SPDL1: variants seen among roughly 807,000 people sequenced by gnomAD.
SPDL1 encodes the protein protein Spindly.
Under a neutral mutation model 79.5 loss-of-function variants are expected in SPDL1, and 85 were observed. The ratio of observed to expected loss-of-function variants is 1.07; its 90% CI spans 0.90 to 1.28. The LOEUF (loss-of-function observed/expected upper bound fraction) is 1.28, where lower values mean the gene tolerates loss of function less well. Among genes scored for constraint, SPDL1 ranks in the 50% most tolerant of loss-of-function variants. SPDL1 has a pLI of 0.00. For missense variants in SPDL1, 703 were observed against 697.8 expected (o/e 1.01, Z -0.08); for synonymous variants, 269 against 240.3 (o/e 1.12, Z -1.10).
At chr5:169,593,693 G>T in intron 4 of SPDL1, 145 bp downstream of exon 4, 5 of 696,372 alleles carry the variant, frequency 7.2e-6, no homozygotes, top group Non-Finnish European at 1.1e-5. Context: ...TAAAAAATGG[G>T]TTTTTTTTAG....
chr5:169,599,011 G>A lies in SPDL1; in HGVS notation c.1176G>A (p.Gln392=), dbSNP rs760649372. Reference sequence around the variant, plus strand: ...GCACTAAAGGTGAATTGTCCATACAGCGAATGAAAGCATTATTTGAGAGCC... The same window carrying A: ...GCACTAAAGGTGAATTGTCCATACAACGAATGAAAGCATTATTTGAGAGCC... The part of the protein sequence containing the change: ...IESTKGELSI[Q]RMKALFESQR... Residue 392 remains glutamine, a synonymous_variant, in exon 10 of 12, where the codon CAG becomes CAA. Transcript: ENST00000265295. The A allele has an allele frequency of 3.8e-6, 6 of 1,573,964 alleles. No homozygotes were observed. In the African/African-American group the frequency reaches 5.5e-5, roughly 14 times the overall value.
chr5:169,594,356 T>C, intron 5 of SPDL1, 38 bp from the exon 6 acceptor site: 1 of 1,612,106 alleles, frequency 6.2e-7, no homozygotes, highest in South Asian at 1.1e-5. Context: ...CTTGCTAATG[T>C]AATCTCTGTT....
At chr5:169,589,887 G>A (rs570915141) in intron 2 of SPDL1, among the ~76,000 whole-genome samples, 5 of 152,134 alleles carry the variant, frequency 3.3e-5, no homozygotes, top group African/African-American at 1.2e-4. Flanking sequence ...GTTTTTAGTA[G>A]AGATGGGGTT....
intron 1 of SPDL1, 65 bp downstream of exon 1, chr5:169,583,954 C>T (rs1176992065): frequency 6.6e-6 from 1 of 152,406 alleles, no homozygotes; most frequent in Admixed American, 6.5e-5. Context: ...TCGAACAGGC[C>T]CTAAAGAAAG....
In SPDL1 at chr5:169,588,518, A is replaced by T. The variant is rs756442628; in HGVS notation, c.102A>T (p.Gln34His). Residue 34 changes from glutamine (Q) to histidine (H), a missense_variant, in exon 2 of 12, where the codon CAA (glutamine) becomes CAT (histidine). Coordinates refer to ENST00000265295, the MANE Select transcript of SPDL1 (RefSeq NM_017785.5). Reference sequence around the variant, plus strand: ...ATGGTTTACAACTAGTAGAGAGTCAAAATGAATTACAGAATCAATTGGATA... The same window carrying T: ...ATGGTTTACAACTAGTAGAGAGTCATAATGAATTACAGAATCAATTGGATA... ...AQYGLQLVES[Q>H]NELQNQLDKC... 16 of 1,613,840 alleles carry T rather than the reference A, an allele frequency of 9.9e-6. No individual in the cohort carries two copies. In the Admixed American group the frequency reaches 2.7e-4, roughly 27 times the overall value.
In SPDL1 at chr5:169,588,571, C is replaced by T. The variant is rs768116350; in HGVS notation, c.155C>T (p.Thr52Ile). The change falls in exon 2 of 12, where the codon ACT (threonine) becomes ATT (isoleucine). Residue 52 changes from threonine to isoleucine, a missense_variant. Coordinates refer to ENST00000265295, the MANE Select transcript of SPDL1 (RefSeq NM_017785.5). ...DKCRNEMMTMTESYEQEKYTL... is the reference protein window; with the variant it reads ...DKCRNEMMTMIESYEQEKYTL... ...TGTCGTAATGAAATGATGACCATGA[C>T]TGAGGTAGGACTCTGGACTCCTCTG... is the stretch of plus-strand genomic sequence containing the variant. The T allele has an allele frequency of 3.1e-6, 5 of 1,611,484 alleles. No homozygotes were observed. The South Asian group carries it at 5.5e-5, about 18-fold the overall frequency.
rs760793399 is a variant in SPDL1 at position 169,601,304 on chromosome 5, A to G, written c.1349A>G (p.Lys450Arg). 1 of 1,611,472 alleles carries G rather than the reference A, an allele frequency of 6.2e-7. No homozygotes were observed. The highest frequency in any genetic ancestry group is 2.2e-5 in the East Asian group (1 of 44,838). Reference sequence around the variant, plus strand: ...GAGACAGTTGAAGTGCCTGTACTGAAAAAGAGGCGTGAGGTGCTCCCTGTG... The same window carrying G: ...GAGACAGTTGAAGTGCCTGTACTGAGAAAGAGGCGTGAGGTGCTCCCTGTG... ...PEETVEVPVL[K>R]KRREVLPVDI... is the part of the protein sequence containing the mutation. Residue 450 changes from lysine (K) to arginine (R), a missense_variant, in exon 11 of 12, where the codon AAA becomes AGA. Transcript: ENST00000265295.
At chr5:169,583,979 C>G (rs1294918155) in intron 1 of SPDL1, 90 bp downstream of exon 1, 2 of 152,424 alleles carry the variant, frequency 1.3e-5, no homozygotes, top group South Asian at 2.1e-4. Flanking sequence ...GGGCCGGGGT[C>G]TCGGCCGAGG....
chr5:169,603,994 G>T (rs921904310), intron 11 of SPDL1, 66 bp from the exon 12 acceptor site: 7 of 1,522,004 alleles, frequency 4.6e-6, no homozygotes, highest in Admixed American at 2.2e-5. Flanking sequence ...CATTATACTG[G>T]GGGTTTGTTT....
At chr5:169,595,467 A>T (rs73314541) in intron 7 of SPDL1, 8,158 of 152,288 alleles carry the variant, frequency 0.054, 258 homozygotes, top group Non-Finnish European at 0.058. Flanking sequence ...TTTGAAAGCA[A>T]CAGTACCTCA....
rs758172358 is a variant in SPDL1 at position 169,596,599 on chromosome 5, A to C, written c.930A>C (p.Gln310His). 1.9e-6 allele frequency: 3 copies of C among 1,611,886 alleles called. No individual in the cohort carries two copies. Among genetic ancestry groups the C allele is most frequent in the Non-Finnish European group, 1.7e-6 (2 of 1,179,242 alleles). Residue 310 changes from glutamine to histidine, a missense_variant, in exon 8 of 12, where the codon CAA becomes CAC. Coordinates refer to ENST00000265295, the MANE Select transcript of SPDL1 (RefSeq NM_017785.5). ...CGTTGCTACAGATGAAAGGGTCTCA[A>C]ACTGAATTTGAGCAGCAGGAACGGT... The part of the protein sequence containing the change: ...IATLLQMKGS[Q>H]TEFEQQERLL...
chr5:169,599,270 T>C, intron 10 of SPDL1, 111 bp downstream of exon 10: 1 of 940,030 alleles, frequency 1.1e-6, no homozygotes, highest in Non-Finnish European at 1.5e-6. Context: ...TCATTTGTAG[T>C]TATATACCTA....
Position 169,604,406 on chromosome 5 carries a change from A to G in SPDL1, c.*199A>G, listed in dbSNP as rs1354170348. The G allele has an allele frequency of 1.6e-5, 6 of 379,190 alleles. No individual in the cohort carries two copies. The highest frequency in any genetic ancestry group is 2.8e-5 in the Non-Finnish European group (6 of 213,048). 23.5% of individuals were successfully genotyped at this position (379,190 alleles called of 1,614,324 possible). A position where few individuals can be genotyped will look rare whatever the true frequency, so the allele number is the denominator to read the frequency against. ...AGAGCTTCTTAAGTGATGCCCCTTC[A>G]TGGAGCTTCTATGACAGTGAATAAA... On this transcript the variant is annotated 3_prime_UTR_variant, in exon 12 of 12. Coordinates refer to ENST00000265295, the MANE Select transcript of SPDL1 (RefSeq NM_017785.5).
chr5:169,592,061 CAG>C (rs1234748281), intron 3 of SPDL1, among the ~76,000 whole-genome samples: 1 of 152,176 alleles, frequency 6.6e-6, no homozygotes, highest in Non-Finnish European at 1.5e-5. Flanking sequence ...CCTCCTTTCT[CAG>C]AAGTCTGTTA....
chr5:169,594,115 AT>A, intron 4 of SPDL1, 29 bp from the exon 5 acceptor site: 1 of 1,566,814 alleles, frequency 6.4e-7, no homozygotes, highest in Non-Finnish European at 8.6e-7. Flanking sequence ...ATTCAAGAGA[AT>A]TTCCTCCTTT....
intron 3 of SPDL1, among the ~76,000 whole-genome samples, chr5:169,592,203 A>AT (rs35539980): frequency 0.65 from 84,032 of 128,728 alleles, 27,293 homozygotes; most frequent in East Asian, 0.73. Context: ...CAATGAAAGT[A>AT]TTTTTTTTTC....
At chr5:169,596,279 C>A in intron 7 of SPDL1, 1 of 305,482 alleles carries the variant, frequency 3.3e-6, no homozygotes, top group African/African-American at 2.3e-5. Context: ...CTTACCAGTT[C>A]AGTGGTGTGC....
chr5:169,588,645 A>G, intron 2 of SPDL1, 70 bp downstream of exon 2: 2 of 1,367,026 alleles, frequency 1.5e-6, no homozygotes, highest in Non-Finnish European at 2.0e-6. Context: ...TTTAGCAATT[A>G]ATAGTAGTAG....
In SPDL1 at chr5:169,604,111, T is replaced by G. The variant is rs779206798; in HGVS notation, c.1722T>G (p.Thr574=). ...CAGAAGTTAAAGAAGGAAAAGAAACTTCAAGCAAATTGGAAAAAGAAACTT... is the reference window on the plus strand; with the variant it reads ...CAGAAGTTAAAGAAGGAAAAGAAACGTCAAGCAAATTGGAAAAAGAAACTT... ...LQTEVKEGKE[T]SSKLEKETCK... The change falls in exon 12 of 12, where the codon ACT becomes ACG. Residue 574 remains threonine (T), a synonymous_variant. Coordinates refer to ENST00000265295, the MANE Select transcript of SPDL1 (RefSeq NM_017785.5). 2.0e-5 allele frequency: 32 copies of G among 1,613,280 alleles called. No homozygotes were observed. The highest frequency in any genetic ancestry group is 2.6e-5 in the Non-Finnish European group (31 of 1,179,722).
Sources: allele counts gnomAD v4.1 joint callset (sites outside exome capture counted in the v4.1 genomes callset), GRCh38; gene constraint gnomAD v4.1.1; transcripts MANE v1.5; gene names NCBI Gene and HGNC (gene_info 2026-07-23, HGNC 2026-07-21).